LTBP1: variants seen among roughly 807,000 people sequenced by gnomAD.
LTBP1 encodes the protein latent transforming growth factor beta binding protein 1.
LTBP1 carries 129 observed loss-of-function variants against 207.6 expected under a neutral mutation model. The observed-to-expected ratio is 0.62, with a 90% CI of 0.54 to 0.72. LTBP1 has a LOEUF of 0.72. Among genes scored for constraint, LTBP1 ranks in the 30% least tolerant of loss-of-function variants. The pLI, the probability that LTBP1 is intolerant of heterozygous loss-of-function variation, is 0.00. For synonymous variants in LTBP1, 963 were observed against 833.7 expected, an observed-to-expected ratio of 1.16 and a Z score of -2.67; for missense variants, 2,281 against 2,217.2, an observed-to-expected ratio of 1.03 and a Z score of -0.58.
chr2:33,101,528 G>A (rs1356584147), intron 3 of LTBP1, among the ~76,000 whole-genome samples: 1 of 152,102 alleles, frequency 6.6e-6, no homozygotes, highest in Non-Finnish European at 1.5e-5. Flanking sequence ...CACTATGAAG[G>A]AGTTGAGGTA....
At chr2:33,347,633 G>C in intron 26 of LTBP1, 123 bp downstream of exon 26, 1 of 1,136,972 alleles carries the variant, frequency 8.8e-7, no homozygotes, top group Admixed American at 2.2e-5. Context: ...ACACAGTGCT[G>C]TCTCTGGAAG....
chr2:32,997,194 C>G (rs1685425815), intron 2 of LTBP1, among the ~76,000 whole-genome samples: 1 of 152,072 alleles, frequency 6.6e-6, no homozygotes, highest in East Asian at 2.0e-4. Context: ...CTGGATGGAA[C>G]TTAATCTCCA....
intron 5 of LTBP1, among the ~76,000 whole-genome samples, chr2:33,143,879 A>G (rs1253959188): frequency 6.6e-6 from 1 of 151,234 alleles, no homozygotes; most frequent in Non-Finnish European, 1.5e-5. Flanking sequence ...GACTGGCTCC[A>G]GGACCCGGGG....
Position 33,337,685 on chromosome 2 carries a change from A to G in LTBP1, c.3731-5153A>G, listed in dbSNP as rs150423468. ...ACTAACCCATTGGATAGTATTACCA[A>G]TGATATCATGCATGGCCCTTACAGA... On this transcript the variant is annotated intron_variant, in intron 24 of 33. Coordinates refer to ENST00000404816, the MANE Select transcript of LTBP1 (RefSeq NM_206943.4). Among the ~76,000 whole-genome samples, 643 of 152,318 alleles carry G rather than the reference A, an allele frequency of 4.2e-3. 8 individuals carry two copies. Among genetic ancestry groups the G allele is most frequent in the African/African-American group, 0.015 (615 of 41,560 alleles).
chr2:33,167,904 T>C, intron 5 of LTBP1, among the ~76,000 whole-genome samples: 1 of 152,220 alleles, frequency 6.6e-6, no homozygotes, highest in Non-Finnish European at 1.5e-5. Flanking sequence ...ATCTCTGAAT[T>C]AGTTAAGCAG....
chr2:33,373,121 A>T lies in LTBP1; in HGVS notation c.4711+7618A>T, dbSNP rs137878560. On this transcript the variant is annotated intron_variant, in intron 31 of 33. Transcript: ENST00000404816. ...ACGGAACAAAGACTTGATAAACGGG[A>T]CAACTAGTGTGTTGGGAGAATGCCA... Among the ~76,000 whole-genome samples the T allele has an allele frequency of 3.9e-5, 6 of 152,326 alleles. No individual in the cohort carries two copies. In the East Asian group the frequency reaches 1.2e-3, roughly 29 times the overall value.
At position 33,186,880 on chromosome 2, in the gene LTBP1, A is replaced by ATGG; in HGVS notation, c.1230_1232dup (p.Gly411dup). 1 of 1,614,106 alleles carries ATGG rather than the reference A, an allele frequency of 6.2e-7. No individual in the cohort carries two copies. Among genetic ancestry groups the ATGG allele is most frequent in the Non-Finnish European group, 8.5e-7 (1 of 1,179,970 alleles). On this transcript the variant is annotated inframe_insertion, in exon 6 of 34. Coordinates refer to ENST00000404816, the MANE Select transcript of LTBP1 (RefSeq NM_206943.4). ...GTAATTTGCCATCTTCCATGTATGA[A>ATGG]TGGTGGCCAGTGCAGTTCAAGGGAC... is the stretch of plus-strand genomic sequence containing the variant.
chr2:33,257,284 C>T lies in LTBP1; in HGVS notation c.2168C>T (p.Ala723Val), dbSNP rs1490233853. 1 of 1,610,350 alleles carries T rather than the reference C, an allele frequency of 6.2e-7. No individual in the cohort carries two copies. Among genetic ancestry groups the T allele is most frequent in the Non-Finnish European group, 8.5e-7 (1 of 1,176,842 alleles). ...GAATATTTTCCCATCCCAAATCTAG[C>T]TGCTTTTAAGGAAATCTGTCCTGGT... ...HCEKCPLPGT[A>V]AFKEICPGGM... The change falls in exon 12 of 34, where the codon GCT becomes GTT. Residue 723 changes from alanine to valine, a missense_variant and splice_region_variant. This residue lies in a region of LTBP1 where 1,671 missense variants were observed against 1,634.8 expected (regional missense o/e 1.02). Coordinates refer to ENST00000404816, the MANE Select transcript of LTBP1 (RefSeq NM_206943.4).
chr2:33,195,144 A>G (rs1573099971), intron 7 of LTBP1, among the ~76,000 whole-genome samples: 1 of 152,210 alleles, frequency 6.6e-6, no homozygotes, highest in African/African-American at 2.4e-5. Context: ...AAAAAGATGA[A>G]TGTTGTTTTC....
rs547367399 is a variant in LTBP1, at chr2:33,092,656, TAGAG to T, written c.864-17922_864-17919del. Reference sequence around the variant, plus strand: ...GTTTCATAGGTGGAATTTTTAGTCTTAGAGAGAACATCAGTAATTTATCTTCAGT... The same window carrying T: ...GTTTCATAGGTGGAATTTTTAGTCTTAGAACATCAGTAATTTATCTTCAGT... On this transcript the variant is annotated intron_variant, in intron 3 of 33. Transcript: ENST00000404816. Among the ~76,000 whole-genome samples the T allele has an allele frequency of 5.7e-3, 861 of 152,230 alleles. 5 individuals carry two copies. Among genetic ancestry groups the T allele is most frequent in the African/African-American group, 0.019 (796 of 41,536 alleles).
At chr2:33,000,530 G>C (rs1685941651) in intron 2 of LTBP1, among the ~76,000 whole-genome samples, 1 of 135,284 alleles carries the variant, frequency 7.4e-6, no homozygotes. Flanking sequence ...CTGTTTGCAA[G>C]TGGTCGCAGG....
chr2:32,969,208 G>A (rs1168711633), intron 2 of LTBP1, among the ~76,000 whole-genome samples: 1 of 149,830 alleles, frequency 6.7e-6, no homozygotes, highest in African/African-American at 2.5e-5. Flanking sequence ...TTACAGGTGT[G>A]AGCCATGGCA....
intron 2 of LTBP1, among the ~76,000 whole-genome samples, chr2:33,003,053 A>C (rs1169555906): frequency 6.6e-6 from 1 of 152,200 alleles, no homozygotes; most frequent in African/African-American, 2.4e-5. Context: ...AAAGCTAGCA[A>C]TGTTGGCAGG....
intron 2 of LTBP1, among the ~76,000 whole-genome samples, chr2:33,017,306 C>G (rs976749543): frequency 1.3e-5 from 2 of 152,140 alleles, no homozygotes; most frequent in African/African-American, 4.8e-5. Flanking sequence ...AAATATAAGT[C>G]CTCAGAAACT....
At chr2:33,038,431 C>T (rs895146373) in intron 3 of LTBP1, among the ~76,000 whole-genome samples, 10 of 152,234 alleles carry the variant, frequency 6.6e-5, no homozygotes, top group African/African-American at 2.4e-4. Flanking sequence ...GTAATCTAGG[C>T]ATCCAGAAAT....
At chr2:33,065,591 G>A (rs900623468) in intron 3 of LTBP1, among the ~76,000 whole-genome samples, 2 of 151,866 alleles carry the variant, frequency 1.3e-5, no homozygotes, top group African/African-American at 2.4e-5. Flanking sequence ...ACTTTGTCAG[G>A]GTGTATTAGC....
chr2:33,304,110 T>C, intron 22 of LTBP1, among the ~76,000 whole-genome samples: 1 of 152,220 alleles, frequency 6.6e-6, no homozygotes, highest in Non-Finnish European at 1.5e-5. Context: ...AGCAAACTCG[T>C]TCTTCATTAT....
chr2:33,055,133 CTTA>C (rs1352509973), intron 3 of LTBP1, among the ~76,000 whole-genome samples: 2 of 152,084 alleles, frequency 1.3e-5, no homozygotes, highest in African/African-American at 2.4e-5. Context: ...CCTCTTGGTC[CTTA>C]TTATAGAACA....
chr2:32,958,179 T>G (rs1678406011), intron 2 of LTBP1, among the ~76,000 whole-genome samples: 1 of 152,028 alleles, frequency 6.6e-6, no homozygotes, highest in Non-Finnish European at 1.5e-5. Flanking sequence ...GCTTGAGACC[T>G]GAAGCAGGGC....
Sources: allele counts gnomAD v4.1 joint callset (sites outside exome capture counted in the v4.1 genomes callset), GRCh38; gene constraint gnomAD v4.1.1; regional missense constraint gnomAD v4.1.1; transcripts MANE v1.5; gene names NCBI Gene and HGNC (gene_info 2026-07-23, HGNC 2026-07-21).